The following ANKRD33B variants were observed in gnomAD, a reference collection of about 807,000 sequenced individuals.
The protein encoded by ANKRD33B is ankyrin repeat domain 33B.
A neutral mutation model predicts 21.5 loss-of-function variants in ANKRD33B; 6 were observed. The observed-to-expected ratio is 0.28, with a 90% CI of 0.15 to 0.55. The LOEUF (loss-of-function observed/expected upper bound fraction) is 0.55, where lower values mean the gene tolerates loss of function less well. Among genes scored for constraint, ANKRD33B ranks in the 20% least tolerant of loss-of-function variants. The pLI is 0.94. For missense variants in ANKRD33B, 698 were observed against 747.2 expected (o/e 0.93, Z 0.77); for synonymous variants, 347 against 342.4 (o/e 1.01, Z -0.15).
intron 1 of ANKRD33B, among the ~76,000 whole-genome samples, chr5:10,582,373 G>T (rs1735460974): frequency 6.6e-6 from 1 of 152,106 alleles, no homozygotes. Context: ...CTCATCTCCT[G>T]TATCCAGTCA....
In ANKRD33B at chr5:10,646,048, A is replaced by G. The variant is rs555224408; in HGVS notation, c.638-3218A>G. On this transcript the variant is annotated intron_variant, in intron 3 of 3. Transcript: ENST00000296657. ...AATAATTACCTGGCCTAATATGTCAACAGTGCTGAGGTTCAGAAGTCCTGG... is the reference window on the plus strand; with the variant it reads ...AATAATTACCTGGCCTAATATGTCAGCAGTGCTGAGGTTCAGAAGTCCTGG... Among the ~76,000 whole-genome samples, 13 of 152,354 alleles carry G rather than the reference A, an allele frequency of 8.5e-5. No individual in the cohort carries two copies. In the South Asian group the frequency reaches 2.7e-3, roughly 32 times the overall value.
At position 10,650,334 on chromosome 5, in the gene ANKRD33B, C is replaced by A. The variant is rs1737317674; in HGVS notation, c.*221C>A. The stretch of plus-strand genomic sequence containing the variant: ...GCCAGCCCTCCTAGCAATCAGTACA[C>A]CTAGCGGGCACGTTGCCTAAAAGGC... On this transcript the variant is annotated 3_prime_UTR_variant, in exon 4 of 4. Coordinates refer to ENST00000296657, the MANE Select transcript of ANKRD33B (RefSeq NM_001164440.2). The A allele has an allele frequency of 5.1e-6, 2 of 394,476 alleles. No individual in the cohort carries two copies. Among genetic ancestry groups the A allele is most frequent in the Non-Finnish European group, 8.6e-6 (2 of 231,398 alleles). The allele number at this position is 394,476 out of a possible 1,614,324, so 24.4% of individuals were successfully genotyped here.
intron 1 of ANKRD33B, among the ~76,000 whole-genome samples, chr5:10,569,590 G>T (rs1033086876): frequency 2.1e-5 from 2 of 93,496 alleles, no homozygotes; most frequent in Middle Eastern, 4.5e-3. Flanking sequence ...AACAAGACCC[G>T]TGTTTGAAAA....
rs1384712653 is a variant in ANKRD33B, at chr5:10,639,957, C to T, written c.637+1789C>T. The stretch of plus-strand genomic sequence containing the variant: ...TGTTAGGCGGTGACGTGGAGTTGCG[C>T]GGTGATGTTAGCGGGTGACGCGGAG... On this transcript the variant is annotated intron_variant, in intron 3 of 3. Transcript: ENST00000296657. Among the ~76,000 whole-genome samples, 5 of 47,066 alleles carry T rather than the reference C, an allele frequency of 1.1e-4. 1 individual carries two copies. Among genetic ancestry groups the T allele is most frequent in the East Asian group, 8.1e-4 (1 of 1,228 alleles). 30.9% of individuals were successfully genotyped at this position (47,066 alleles called of 152,430 possible). A position where few individuals can be genotyped will look rare whatever the true frequency, so the allele number is the denominator to read the frequency against.
chr5:10,564,904 G>C (rs1029467141), intron 1 of ANKRD33B, 71 bp downstream of exon 1: 2 of 1,433,528 alleles, frequency 1.4e-6, no homozygotes. Context: ...CCACATCCCC[G>C]CGCCTCCCAG....
chr5:10,587,563 G>A lies in ANKRD33B; in HGVS notation c.366+22730G>A, dbSNP rs376190485. ...TTCTGATACAATTTTTTTTTTTTTG[G>A]TGTGGAAAATGAAAAAAAAAAGAGA... On this transcript the variant is annotated intron_variant, in intron 1 of 3. Transcript: ENST00000296657. Among the ~76,000 whole-genome samples the A allele has an allele frequency of 1.8e-4, 26 of 144,418 alleles. 1 individual carries two copies. The highest frequency in any genetic ancestry group is 1.4e-3 in the Admixed American group (21 of 14,530). 94.7% of individuals were successfully genotyped at this position (144,418 alleles called of 152,430 possible).
Position 10,649,509 on chromosome 5 carries a change from G to T in ANKRD33B, c.881G>T (p.Arg294Leu). 1 of 1,534,482 alleles carries T rather than the reference G, an allele frequency of 6.5e-7. No individual in the cohort carries two copies. The highest frequency in any genetic ancestry group is 8.7e-7 in the Non-Finnish European group (1 of 1,146,090). The change falls in exon 4 of 4, where the codon CGC (arginine) becomes CTC (leucine). Residue 294 changes from arginine to leucine, a missense_variant. Around this residue, in one of 3 missense-constraint regions of ANKRD33B, gnomAD observed 543 missense variants for 566.5 expected, o/e 0.96. Transcript: ENST00000296657. ...TDCVLSVLTP[R>L]SVRGPEDGGV... The stretch of plus-strand genomic sequence containing the variant: ...TGCGTGCTGTCCGTGCTGACGCCGC[G>T]CTCCGTGCGGGGCCCGGAGGACGGG...
At position 10,657,717 on chromosome 5, in the gene ANKRD33B, A is replaced by G. The variant is rs1319761279; in HGVS notation, c.*7604A>G. 6.6e-6 allele frequency: 1 copy of G among 152,380 alleles called. No individual in the cohort carries two copies. Among genetic ancestry groups the G allele is most frequent in the Admixed American group, 6.5e-5 (1 of 15,286 alleles). The allele number at this position is 152,380 out of a possible 1,614,324, so 9.4% of individuals were successfully genotyped here. ...ATGTTTTTCCCTTTTAACTTCTAAC[A>G]AATTATGTATCTAATGTTTAAAAAA... is the stretch of plus-strand genomic sequence containing the variant. On this transcript the variant is annotated 3_prime_UTR_variant, in exon 4 of 4. Coordinates refer to ENST00000296657, the MANE Select transcript of ANKRD33B (RefSeq NM_001164440.2).
At chr5:10,598,938 G>A (rs1202767002) in intron 1 of ANKRD33B, among the ~76,000 whole-genome samples, 1 of 152,168 alleles carries the variant, frequency 6.6e-6, no homozygotes, top group Non-Finnish European at 1.5e-5. Flanking sequence ...ATATGATAAA[G>A]TACAGAAATT....
chr5:10,646,601 G>A (rs1006356136), intron 3 of ANKRD33B, among the ~76,000 whole-genome samples: 7 of 152,134 alleles, frequency 4.6e-5, no homozygotes, highest in African/African-American at 1.7e-4. Flanking sequence ...TCTCTTTCAG[G>A]CAGTGTTCAT....
chr5:10,650,217 CTCCATGG>C lies in ANKRD33B; in HGVS notation c.*105_*111del. On this transcript the variant is annotated 3_prime_UTR_variant, in exon 4 of 4. Transcript: ENST00000296657. ...CCCGTTGCGCATCGCACCACTTCCG[CTCCATGG>C]ACCACGGGGCTGCGCGCATTTCCAG... The C allele has an allele frequency of 1.6e-6, 2 of 1,225,144 alleles. No homozygotes were observed. The highest frequency in any genetic ancestry group is 2.1e-6 in the Non-Finnish European group (2 of 935,568). 75.9% of individuals were successfully genotyped at this position (1,225,144 alleles called of 1,614,324 possible).
chr5:10,609,823 C>T (rs1395431250), intron 1 of ANKRD33B, among the ~76,000 whole-genome samples: 1 of 152,098 alleles, frequency 6.6e-6, no homozygotes, highest in Non-Finnish European at 1.5e-5. Context: ...GTGGGAGAAT[C>T]GCTTGAACCC....
In ANKRD33B at chr5:10,601,361, C is replaced by T. The variant is rs1044670685; in HGVS notation, c.367-16972C>T. 9.2e-5 allele frequency among the ~76,000 whole-genome samples: 14 copies of T among 152,310 alleles called. No homozygotes were observed. In the South Asian group the frequency reaches 2.9e-3, roughly 32 times the overall value. The stretch of plus-strand genomic sequence containing the variant: ...GAATTCCCCACTCGTCAGCTCCACG[C>T]CTTTGCACATGCTTGCCTCCCGCCT... On this transcript the variant is annotated intron_variant, in intron 1 of 3. Transcript: ENST00000296657.
chr5:10,597,078 C>T (rs1240256969), intron 1 of ANKRD33B, among the ~76,000 whole-genome samples: 5 of 152,148 alleles, frequency 3.3e-5, no homozygotes, highest in Non-Finnish European at 5.9e-5. Flanking sequence ...AAAACACTCC[C>T]AGCCACAACA....
chr5:10,615,909 G>A (rs1000325152), intron 1 of ANKRD33B, among the ~76,000 whole-genome samples: 1 of 152,184 alleles, frequency 6.6e-6, no homozygotes, highest in Non-Finnish European at 1.5e-5. Flanking sequence ...TGGTGGCAGC[G>A]AACTCTTAGT....
At chr5:10,615,027 C>CT (rs975539959) in intron 1 of ANKRD33B, among the ~76,000 whole-genome samples, 3 of 152,134 alleles carry the variant, frequency 2.0e-5, no homozygotes, top group African/African-American at 7.2e-5. Flanking sequence ...GAAGGAGGTG[C>CT]TATTAGTCCA....
At chr5:10,637,104 T>C (rs11749539) in intron 2 of ANKRD33B, among the ~76,000 whole-genome samples, 63,749 of 151,918 alleles carry the variant, frequency 0.42, 13,656 homozygotes, top group Middle Eastern at 0.57. Flanking sequence ...GGGAGATGTA[T>C]TCACACAAGG....
At position 10,638,020 on chromosome 5, in the gene ANKRD33B, C is replaced by T. The variant is rs1218387665; in HGVS notation, c.497-8C>T. On this transcript the variant is annotated splice_region_variant and splice_polypyrimidine_tract_variant and intron_variant, in intron 2 of 3. Transcript: ENST00000296657. ...GGAACCAATACACGTGTACACTTCT[C>T]TTTACAGGGCACGCTATCATCACTA... 8 of 1,537,116 alleles carry T rather than the reference C, an allele frequency of 5.2e-6. 1 individual carries two copies. Among genetic ancestry groups the T allele is most frequent in the South Asian group, 1.2e-5 (1 of 84,016 alleles).
At chr5:10,605,562 G>A (rs1048922152) in intron 1 of ANKRD33B, among the ~76,000 whole-genome samples, 4 of 147,014 alleles carry the variant, frequency 2.7e-5, no homozygotes, top group Non-Finnish European at 4.5e-5. Flanking sequence ...GAGTTTTGTT[G>A]TTGTTGCCCA....
Sources: allele counts gnomAD v4.1 joint callset (sites outside exome capture counted in the v4.1 genomes callset), GRCh38; gene constraint gnomAD v4.1.1; regional missense constraint gnomAD v4.1.1; transcripts MANE v1.5; gene names NCBI Gene and HGNC (gene_info 2026-07-23, HGNC 2026-07-21).